Variants in TSPAN18 observed in about 807,000 individuals in gnomAD.
The protein encoded by TSPAN18 is tetraspanin 18.
A neutral mutation model predicts 27.3 loss-of-function variants in TSPAN18; 14 were observed. The ratio of observed to expected loss-of-function variants is 0.51; its 90% CI spans 0.34 to 0.80. The LOEUF (loss-of-function observed/expected upper bound fraction) is 0.80. Among genes scored for constraint, TSPAN18 ranks in the 30% least tolerant of loss-of-function variants. The pLI, the probability that TSPAN18 is intolerant of heterozygous loss-of-function variation, is 0.01. For missense variants in TSPAN18, 268 were observed against 323.9 expected (o/e 0.83, Z 1.32); for synonymous variants, 143 against 136.5 (o/e 1.05, Z -0.33).
intron 2 of TSPAN18, among the ~76,000 whole-genome samples, chr11:44,833,832 C>G (rs1443601118): frequency 1.3e-5 from 2 of 151,878 alleles, no homozygotes; most frequent in Non-Finnish European, 2.9e-5. Context: ...GGATCTGGGA[C>G]TTGCTGGGGA....
At chr11:44,917,123 G>T (rs1859940711) in intron 5 of TSPAN18, among the ~76,000 whole-genome samples, 1 of 152,232 alleles carries the variant, frequency 6.6e-6, no homozygotes, top group South Asian at 2.1e-4. Flanking sequence ...CCTGTGCTAA[G>T]GCCGTGCGGG....
In TSPAN18 at chr11:44,825,945, T is replaced by C. The variant is rs532003885; in HGVS notation, c.-152-34383T>C. ...GTCCCCACTCTGTCCTCTTTCTGAC[T>C]GTGGGCCTCAGGCTGGGAGCTTCTC... On this transcript the variant is annotated intron_variant, in intron 2 of 9. Coordinates refer to ENST00000520358, the MANE Select transcript of TSPAN18 (RefSeq NM_130783.5). 6.6e-5 allele frequency among the ~76,000 whole-genome samples: 10 copies of C among 152,312 alleles called. No homozygotes were observed. In the South Asian group the frequency reaches 2.1e-3, roughly 32 times the overall value.
At chr11:44,760,748 C>A (rs920259711) in intron 1 of TSPAN18, among the ~76,000 whole-genome samples, 1 of 152,190 alleles carries the variant, frequency 6.6e-6, no homozygotes, top group Admixed American at 6.5e-5. Flanking sequence ...TTATACTCAT[C>A]GTAGTTACTG....
At chr11:44,844,299 A>T (rs1857436540) in intron 2 of TSPAN18, among the ~76,000 whole-genome samples, 2 of 151,802 alleles carry the variant, frequency 1.3e-5, no homozygotes, top group Middle Eastern at 6.8e-3. Context: ...GGTGCTTATG[A>T]TTAAAGATGC....
intron 2 of TSPAN18, among the ~76,000 whole-genome samples, chr11:44,808,852 G>A (rs1353966318): frequency 6.6e-6 from 1 of 152,030 alleles, no homozygotes; most frequent in Non-Finnish European, 1.5e-5. Flanking sequence ...TGGACTCTTT[G>A]CTTGAAAACA....
At chr11:44,802,549 G>A (rs1856504326) in intron 2 of TSPAN18, among the ~76,000 whole-genome samples, 1 of 149,920 alleles carries the variant, frequency 6.7e-6, no homozygotes, top group South Asian at 2.1e-4. Context: ...ATAGAAGTCA[G>A]GGCTGCCTCC....
At chr11:44,898,301 G>A (rs373311993) in intron 3 of TSPAN18, among the ~76,000 whole-genome samples, 1 of 152,168 alleles carries the variant, frequency 6.6e-6, no homozygotes, top group South Asian at 2.1e-4. Flanking sequence ...TCCCTCTCTC[G>A]GCCTCAGTTT....
intron 2 of TSPAN18, among the ~76,000 whole-genome samples, chr11:44,765,964 C>T (rs183489506): frequency 5.3e-5 from 8 of 152,314 alleles, no homozygotes; most frequent in East Asian, 1.9e-4. Flanking sequence ...GGAAGCTCCC[C>T]GCACTGTTTC....
intron 2 of TSPAN18, among the ~76,000 whole-genome samples, chr11:44,784,673 C>A (rs79020056): frequency 1.3e-5 from 2 of 152,166 alleles, no homozygotes; most frequent in Admixed American, 1.3e-4. Context: ...TCTGCTGCGT[C>A]CCCAGCCCTT....
At chr11:44,843,672 G>A (rs1857422218) in intron 2 of TSPAN18, among the ~76,000 whole-genome samples, 1 of 152,102 alleles carries the variant, frequency 6.6e-6, no homozygotes, top group South Asian at 2.1e-4. Flanking sequence ...CACGCCGGGG[G>A]GGCCAGTTCA....
intron 3 of TSPAN18, among the ~76,000 whole-genome samples, chr11:44,887,645 C>A (rs1858701820): frequency 6.6e-6 from 1 of 152,190 alleles, no homozygotes; most frequent in African/African-American, 2.4e-5. Context: ...CTCTCCTGAC[C>A]CTTGCATAGC....
At chr11:44,842,772 C>T (rs1238768804) in intron 2 of TSPAN18, among the ~76,000 whole-genome samples, 2 of 152,168 alleles carry the variant, frequency 1.3e-5, no homozygotes, top group Non-Finnish European at 2.9e-5. Flanking sequence ...CACATATAAA[C>T]AGTAAAATGT....
At chr11:44,726,395 G>T (rs1037388682), upstream of TSPAN18, 1 of 152,400 alleles carries the variant, frequency 6.6e-6, no homozygotes, top group Non-Finnish European at 1.5e-5. Flanking sequence ...CGGAGACACA[G>T]ATCTGGCCCC....
chr11:44,874,951 C>G (rs1299122205), intron 3 of TSPAN18, among the ~76,000 whole-genome samples: 1 of 152,188 alleles, frequency 6.6e-6, no homozygotes, highest in Non-Finnish European at 1.5e-5. Flanking sequence ...GCCCACAGAC[C>G]CATTTTGCTT....
chr11:44,831,934 T>C (rs1857163012), intron 2 of TSPAN18, among the ~76,000 whole-genome samples: 2 of 152,164 alleles, frequency 1.3e-5, no homozygotes, highest in African/African-American at 2.4e-5. Flanking sequence ...GATAAGAGGT[T>C]CTAAGCAGAG....
rs368575679 is a variant in TSPAN18 at position 44,765,501 on chromosome 11, G to A, written c.-153+989G>A. Among the ~76,000 whole-genome samples the A allele has an allele frequency of 3.9e-5, 6 of 152,254 alleles. No individual in the cohort carries two copies. The East Asian group carries it at 5.8e-4, about 15-fold the overall frequency. ...AGCAATATGATGGAGGGCTTCATGC[G>A]CCAGGCACAGTGTGACGCTCACTCA... On this transcript the variant is annotated intron_variant, in intron 2 of 9. Coordinates refer to ENST00000520358, the MANE Select transcript of TSPAN18 (RefSeq NM_130783.5).
chr11:44,785,193 A>G (rs1478943552), intron 2 of TSPAN18, among the ~76,000 whole-genome samples: 1 of 152,196 alleles, frequency 6.6e-6, no homozygotes, highest in Admixed American at 6.5e-5. Context: ...GATTATAACA[A>G]TACACTGAAT....
At position 44,926,676 on chromosome 11, in the gene TSPAN18, C is replaced by A; in HGVS notation, c.618C>A (p.Gly206=). The A allele has an allele frequency of 1.9e-6, 3 of 1,614,110 alleles. No homozygotes were observed. Among genetic ancestry groups the A allele is most frequent in the Non-Finnish European group, 2.5e-6 (3 of 1,179,958 alleles). Residue 206 remains glycine (G), a splice_region_variant and synonymous_variant, in exon 9 of 10, where the codon GGC becomes GGA. Transcript: ENST00000520358. The part of the protein sequence containing the change: ...LGRSLFLNKQ[G]CYTVILNTFE... ...GACCTCTCATCCCTCCCTCCCAGGG[C>A]TGTTACACGGTGATCCTCAACACCT...
intron 2 of TSPAN18, among the ~76,000 whole-genome samples, chr11:44,848,452 T>C (rs1757676014): frequency 1.3e-5 from 2 of 152,296 alleles, no homozygotes; most frequent in South Asian, 2.1e-4. Context: ...TCTCTACTTC[T>C]TTCCCTCTCT....
Sources: allele counts gnomAD v4.1 joint callset (sites outside exome capture counted in the v4.1 genomes callset), GRCh38; gene constraint gnomAD v4.1.1; transcripts MANE v1.5; gene names NCBI Gene and HGNC (gene_info 2026-07-23, HGNC 2026-07-21).